The following CCND3 variants were observed in gnomAD, a reference collection of about 807,000 sequenced individuals.
CCND3 encodes the protein cyclin D3.
A neutral mutation model predicts 28.7 loss-of-function variants in CCND3; 9 were observed. The observed-to-expected ratio is 0.31, with a 90% CI of 0.19 to 0.55. CCND3 has a LOEUF of 0.55. Ranked by LOEUF, CCND3 falls within the 20% of genes least tolerant of loss-of-function variation. The pLI, the probability that CCND3 is intolerant of heterozygous loss-of-function variation, is 0.93. For missense variants in CCND3, 315 were observed against 385.8 expected, an observed-to-expected ratio of 0.82 and a Z score of 1.54; for synonymous variants, 164 against 163.9, an observed-to-expected ratio of 1.00 and a Z score of 0.00.
chr6:41,960,164 T>C (rs1340760282), intron 1 of CCND3, among the ~76,000 whole-genome samples: 2 of 152,142 alleles, frequency 1.3e-5, no homozygotes, highest in Non-Finnish European at 2.9e-5. Flanking sequence ...ATTCCACTTA[T>C]TTGGAACATC....
At chr6:42,037,458 ATC>A (rs1051741442) in intron 1 of CCND3, among the ~76,000 whole-genome samples, 2 of 150,078 alleles carry the variant, frequency 1.3e-5, no homozygotes, top group African/African-American at 4.9e-5. Flanking sequence ...GATGGTCTCA[ATC>A]TCTCGACCTT....
chr6:41,974,523 C>T (rs1762120995), intron 1 of CCND3, among the ~76,000 whole-genome samples: 1 of 152,090 alleles, frequency 6.6e-6, no homozygotes. Flanking sequence ...GTGCATTCTG[C>T]CTTTGAACTT....
In CCND3 at chr6:42,017,877, G is replaced by T. The variant is rs369389308; in HGVS notation, c.-46+30624C>A. Among the ~76,000 whole-genome samples, 696 of 152,274 alleles carry T rather than the reference G, an allele frequency of 4.6e-3. 3 individuals carry two copies. Among genetic ancestry groups the T allele is most frequent in the South Asian group, 0.036 (172 of 4,824 alleles). ...TTTTAGCAACAAAATGTGGCCGGGT[G>T]TGGTGGCTCACGCCTGTAATCCCGG... On this transcript the variant is annotated intron_variant, in intron 1 of 4. Coordinates refer to the CCND3 transcript ENST00000372988.
chr6:41,964,372 A>G (rs1297814300), intron 1 of CCND3, among the ~76,000 whole-genome samples: 5 of 139,184 alleles, frequency 3.6e-5, no homozygotes, highest in South Asian at 2.4e-4. Context: ...GTATGTGTGA[A>G]TGTGTGTGAG....
At chr6:41,988,823 C>T (rs1302925977) in intron 1 of CCND3, among the ~76,000 whole-genome samples, 2 of 150,522 alleles carry the variant, frequency 1.3e-5, no homozygotes, top group Non-Finnish European at 3.0e-5. Flanking sequence ...CTGAGGCTCC[C>T]GAATAGCTGG....
chr6:42,026,634 C>T (rs931795979), intron 1 of CCND3, among the ~76,000 whole-genome samples: 3 of 152,134 alleles, frequency 2.0e-5, no homozygotes, highest in African/African-American at 4.8e-5. Context: ...CCCTAAAATC[C>T]ACTTTCCCTT....
chr6:42,006,539 TG>T (rs986839095), intron 1 of CCND3, among the ~76,000 whole-genome samples: 4 of 151,766 alleles, frequency 2.6e-5, no homozygotes, highest in Admixed American at 2.6e-4. Flanking sequence ...GGTATAGAAT[TG>T]AAAAAAAACA....
intron 1 of CCND3, among the ~76,000 whole-genome samples, chr6:42,034,967 T>C (rs935051856): frequency 4.6e-5 from 7 of 152,164 alleles, no homozygotes; most frequent in African/African-American, 1.4e-4. Context: ...CACCCATTAT[T>C]TCCCCCCATT....
chr6:41,976,897 G>C (rs1019321553), intron 1 of CCND3, among the ~76,000 whole-genome samples: 1 of 152,154 alleles, frequency 6.6e-6, no homozygotes, highest in Non-Finnish European at 1.5e-5. Context: ...AAGGATGCTT[G>C]AGGCTGCTGT....
At chr6:41,960,943 T>C (rs145486920) in intron 1 of CCND3, among the ~76,000 whole-genome samples, 1 of 152,194 alleles carries the variant, frequency 6.6e-6, no homozygotes, top group East Asian at 1.9e-4. Context: ...TGGAGAATAA[T>C]GGGGGAGAAC....
At position 41,935,824 on chromosome 6, in the gene CCND3, GA is replaced by G; in HGVS notation, c.*115del. The G allele has an allele frequency of 9.8e-7, 1 of 1,020,402 alleles. No individual in the cohort carries two copies. The highest frequency in any genetic ancestry group is 1.5e-6 in the Non-Finnish European group (1 of 676,532). The allele number at this position is 1,020,402 out of a possible 1,614,324, so 63.2% of individuals were successfully genotyped here. ...TAGGACCAGATCCCTTGGGCTTTGT[GA>G]AGGGGGAACAGACGCCCCTTCAGGC... is the stretch of plus-strand genomic sequence containing the variant. On this transcript the variant is annotated 3_prime_UTR_variant, in exon 5 of 5. Coordinates refer to ENST00000372991, the MANE Select transcript of CCND3 (RefSeq NM_001760.5).
At chr6:42,001,934 G>T (rs936614917) in intron 1 of CCND3, among the ~76,000 whole-genome samples, 15 of 128,432 alleles carry the variant, frequency 1.2e-4, no homozygotes, top group African/African-American at 3.8e-4. Flanking sequence ...GGCTAACATG[G>T]TGAAACCCCT....
intron 1 of CCND3, among the ~76,000 whole-genome samples, chr6:41,964,025 A>C (rs1351087603): frequency 6.6e-6 from 1 of 152,198 alleles, no homozygotes; most frequent in Non-Finnish European, 1.5e-5. Flanking sequence ...AGCCAGAGGG[A>C]AGTAATCAAT....
rs1775816393 is a variant in CCND3 at position 41,936,812 on chromosome 6, G to C, written c.575-117C>G. 1 of 1,060,852 alleles carries C rather than the reference G, an allele frequency of 9.4e-7. No individual in the cohort carries two copies. The highest frequency in any genetic ancestry group is 1.6e-5 in the African/African-American group (1 of 62,786). 65.7% of individuals were successfully genotyped at this position (1,060,852 alleles called of 1,614,324 possible). Reference sequence around the variant, plus strand: ...CATGAGTAGAGCAGAGGACATGCTGGAAAACTCCAGCAGTGGGTGGGGCAA... The same window carrying C: ...CATGAGTAGAGCAGAGGACATGCTGCAAAACTCCAGCAGTGGGTGGGGCAA... On this transcript the variant is annotated intron_variant, in intron 3 of 4. Transcript: ENST00000372991. This position sits in a 1 kb window ranked among gnomAD's most constrained non-coding sequence, Gnocchi z 4.4.
chr6:41,968,767 T>A (rs192872284), intron 1 of CCND3, among the ~76,000 whole-genome samples: 58 of 152,290 alleles, frequency 3.8e-4, no homozygotes, highest in African/African-American at 1.4e-3. Context: ...GTATCTTTTA[T>A]ATCTGTGATT....
At chr6:42,047,877 TG>T (rs1764591393) in intron 1 of CCND3, 1 of 152,312 alleles carries the variant, frequency 6.6e-6, no homozygotes, top group African/African-American at 2.4e-5. Context: ...TTGGCATCTA[TG>T]TCTATTGTTT....
In CCND3 at chr6:41,936,386, A is replaced by G. The variant is rs1775795696; in HGVS notation, c.711+173T>C. ...GGGCCAGTGCCCTTCACCCCACCCA[A>G]GATACTTGCTCTTCCCCAGACCAAG... is the stretch of plus-strand genomic sequence containing the variant. On this transcript the variant is annotated intron_variant, in intron 4 of 4. Coordinates refer to ENST00000372991, the MANE Select transcript of CCND3 (RefSeq NM_001760.5). This position sits in a 1 kb window ranked among gnomAD's most constrained non-coding sequence, Gnocchi z 4.4. 2.6e-6 allele frequency: 2 copies of G among 776,656 alleles called. No homozygotes were observed. Among genetic ancestry groups the G allele is most frequent in the South Asian group, 3.6e-5 (2 of 54,832 alleles). The allele number at this position is 776,656 out of a possible 1,614,324, so 48.1% of individuals were successfully genotyped here.
chr6:42,008,036 C>T (rs1763227246), intron 1 of CCND3, among the ~76,000 whole-genome samples: 1 of 152,010 alleles, frequency 6.6e-6, no homozygotes, highest in Admixed American at 6.6e-5. Context: ...GGAGGCTGTT[C>T]TGTTTCCTTT....
chr6:41,980,521 C>CCTT (rs56278629), intron 1 of CCND3, among the ~76,000 whole-genome samples: 150,799 of 152,248 alleles, frequency 0.99, 74,694 homozygotes, highest in Middle Eastern at 1. Flanking sequence ...CAGAGGAAAT[C>CCTT]CTTAACTCAT....
Sources: gnomAD v4.1 joint callset for allele counts (sites outside exome capture counted in the v4.1 genomes callset) on GRCh38, gnomAD v4.1.1 for gene constraint, Gnocchi (gnomAD v3.1) non-coding constraint, MANE v1.5 for transcripts, NCBI Gene and HGNC (gene_info 2026-07-23, HGNC 2026-07-21) for gene names.